MAML2: variants seen among roughly 807,000 people sequenced by gnomAD.
MAML2 encodes the protein mastermind like transcriptional coactivator 2.
Under a neutral mutation model 96.1 loss-of-function variants are expected in MAML2, and 22 were observed. The ratio of observed to expected loss-of-function variants is 0.23; its 90% CI spans 0.16 to 0.33. The LOEUF (loss-of-function observed/expected upper bound fraction) is 0.33, where lower values mean the gene tolerates loss of function less well. MAML2 is among the 10% of genes least tolerant of loss of function. MAML2 has a pLI of 1.00. For missense variants in MAML2, 1,367 were observed against 1,392.4 expected (o/e 0.98, Z 0.29); for synonymous variants, 561 against 521.3 (o/e 1.08, Z -1.04).
At chr11:96,068,539 T>C (rs1304930016) in intron 2 of MAML2, among the ~76,000 whole-genome samples, 2 of 151,336 alleles carry the variant, frequency 1.3e-5, no homozygotes, top group Non-Finnish European at 2.9e-5. Context: ...ACTTAATTGG[T>C]CTTGGGTAAG....
chr11:95,980,790 A>C (rs1857724802), intron 4 of MAML2, among the ~76,000 whole-genome samples: 1 of 152,146 alleles, frequency 6.6e-6, no homozygotes, highest in Non-Finnish European at 1.5e-5. Context: ...CAATCTGTGG[A>C]GTCTCAAAGT....
chr11:96,236,512 G>A (rs972959575), intron 1 of MAML2, among the ~76,000 whole-genome samples: 3 of 152,104 alleles, frequency 2.0e-5, no homozygotes, highest in Non-Finnish European at 4.4e-5. Flanking sequence ...TTGAGTCTCT[G>A]AGCCAGAAAT....
intron 1 of MAML2, among the ~76,000 whole-genome samples, chr11:96,289,971 G>A (rs1292955408): frequency 6.6e-6 from 1 of 152,012 alleles, no homozygotes; most frequent in Non-Finnish European, 1.5e-5. Flanking sequence ...AGTTAGAAAG[G>A]GCCTTAGAGA....
chr11:96,050,175 C>T (rs994129629), intron 2 of MAML2, among the ~76,000 whole-genome samples: 16 of 152,256 alleles, frequency 1.1e-4, no homozygotes, highest in African/African-American at 3.6e-4. Context: ...TAAGATCATA[C>T]AGATCTAAGG....
At chr11:96,208,602 A>G (rs1861926153) in intron 1 of MAML2, among the ~76,000 whole-genome samples, 1 of 152,198 alleles carries the variant, frequency 6.6e-6, no homozygotes, top group Non-Finnish European at 1.5e-5. Flanking sequence ...AATGAGATGA[A>G]TTTTGAGTTT....
At chr11:96,226,127 G>A (rs1256811711) in intron 1 of MAML2, among the ~76,000 whole-genome samples, 2 of 152,202 alleles carry the variant, frequency 1.3e-5, no homozygotes, top group Admixed American at 1.3e-4. Flanking sequence ...CAATATCCTA[G>A]TGTTCCCCAC....
intron 1 of MAML2, among the ~76,000 whole-genome samples, chr11:96,281,494 C>T (rs1863064793): frequency 6.6e-6 from 1 of 151,954 alleles, no homozygotes; most frequent in African/African-American, 2.4e-5. Context: ...TCCCTGGGGT[C>T]TGGGCAGGGT....
chr11:96,272,953 C>T (rs935113952), intron 1 of MAML2, among the ~76,000 whole-genome samples: 2 of 152,214 alleles, frequency 1.3e-5, no homozygotes, highest in Non-Finnish European at 2.9e-5. Context: ...CTGTTTAGCA[C>T]GCAGTTGTAA....
chr11:96,322,390 G>A (rs1379183940), intron 1 of MAML2, among the ~76,000 whole-genome samples: 1 of 152,166 alleles, frequency 6.6e-6, no homozygotes, highest in Non-Finnish European at 1.5e-5. Flanking sequence ...TCTGAGGACT[G>A]ACTGCCTTTT....
chr11:96,093,293 C>T lies in MAML2; in HGVS notation c.738G>A (p.Leu246=), dbSNP rs2135813491. 1 of 1,613,996 alleles carries T rather than the reference C, an allele frequency of 6.2e-7. No homozygotes were observed. Among genetic ancestry groups the T allele is most frequent in the Non-Finnish European group, 8.5e-7 (1 of 1,179,894 alleles). The change falls in exon 2 of 5, where the codon CTG becomes CTA. Residue 246 remains leucine, a synonymous_variant. Coordinates refer to ENST00000524717, the MANE Select transcript of MAML2 (RefSeq NM_032427.4). ...TGCCAGGAGAATGTGTATGGGATGG[C>T]AGAGTGTTAGTCTTTCGCAGGGGTG... ...SQAPLRKTNT[L]PSHTHSPGNG...
chr11:96,036,274 C>T (rs1206194940), intron 2 of MAML2, among the ~76,000 whole-genome samples: 4 of 151,890 alleles, frequency 2.6e-5, no homozygotes, highest in Non-Finnish European at 4.4e-5. Flanking sequence ...GGTATAGGGC[C>T]CAAGAAAAAA....
At chr11:96,313,104 C>A (rs1863567532) in intron 1 of MAML2, among the ~76,000 whole-genome samples, 1 of 152,166 alleles carries the variant, frequency 6.6e-6, no homozygotes, top group South Asian at 2.1e-4. Context: ...GTCTCACAAC[C>A]ATCTAATCGT....
intron 2 of MAML2, among the ~76,000 whole-genome samples, chr11:96,088,411 G>A (rs576273503): frequency 6.6e-6 from 1 of 152,144 alleles, no homozygotes; most frequent in Non-Finnish European, 1.5e-5. Context: ...TGGTTCAAGA[G>A]GTAAGCACTT....
At chr11:96,265,343 A>C (rs369403161) in intron 1 of MAML2, among the ~76,000 whole-genome samples, 3 of 152,210 alleles carry the variant, frequency 2.0e-5, no homozygotes, top group Non-Finnish European at 4.4e-5. Context: ...TAAACTTTCA[A>C]GTGAATAACT....
At chr11:96,045,573 A>G (rs1858883520) in intron 2 of MAML2, among the ~76,000 whole-genome samples, 1 of 152,228 alleles carries the variant, frequency 6.6e-6, no homozygotes, top group Non-Finnish European at 1.5e-5. Flanking sequence ...AAACAAAACA[A>G]CAATCAGAAA....
chr11:96,162,199 T>C (rs1381281559), intron 1 of MAML2, among the ~76,000 whole-genome samples: 20 of 120,596 alleles, frequency 1.7e-4, no homozygotes, highest in Non-Finnish European at 2.3e-4. Context: ...TTTTTTTTTT[T>C]CTGCAATGAA....
chr11:96,296,975 G>T (rs1370244117), intron 1 of MAML2, among the ~76,000 whole-genome samples: 1 of 152,148 alleles, frequency 6.6e-6, no homozygotes, highest in African/African-American at 2.4e-5. Context: ...TCCTTACTGT[G>T]GTGCCCAGCC....
chr11:96,200,046 G>A (rs1038928972), intron 1 of MAML2, among the ~76,000 whole-genome samples: 6 of 152,058 alleles, frequency 3.9e-5, no homozygotes, highest in African/African-American at 1.4e-4. Context: ...AGGGTGGCCA[G>A]GAATCAACTC....
intron 1 of MAML2, among the ~76,000 whole-genome samples, chr11:96,114,156 T>C (rs992122576): frequency 3.3e-5 from 5 of 152,178 alleles, no homozygotes; most frequent in African/African-American, 9.7e-5. Context: ...TGACCTCAAG[T>C]GATCCTCCTA....
Sources: allele counts gnomAD v4.1 joint callset (sites outside exome capture counted in the v4.1 genomes callset), GRCh38; gene constraint gnomAD v4.1.1; transcripts MANE v1.5; gene names NCBI Gene and HGNC (gene_info 2026-07-23, HGNC 2026-07-21).